Variants in ADGB observed in about 807,000 individuals in gnomAD.
The protein encoded by ADGB is androglobin.
In ADGB, 172 loss-of-function variants were observed where a neutral mutation model predicts 210.5. The observed-to-expected ratio is 0.82, with a 90% CI of 0.72 to 0.93. The LOEUF is 0.93. Ranked by LOEUF, ADGB falls within the 40% of genes least tolerant of loss-of-function variation. The pLI, the probability that ADGB is intolerant of heterozygous loss-of-function variation, is 0.00. For missense variants in ADGB, 2,025 were observed against 1,964.8 expected, an observed-to-expected ratio of 1.03 and a Z score of -0.58; for synonymous variants, 658 against 662.7, an observed-to-expected ratio of 0.99 and a Z score of 0.11.
chr6:146,769,434 A>G (rs1291254135), intron 29 of ADGB, among the ~76,000 whole-genome samples: 1 of 152,152 alleles, frequency 6.6e-6, no homozygotes. Context: ...AATGTATGAC[A>G]TTTTTCTATT....
intron 1 of ADGB, among the ~76,000 whole-genome samples, chr6:146,618,711 A>T (rs1048413981): frequency 2.6e-5 from 4 of 152,042 alleles, no homozygotes; most frequent in African/African-American, 9.7e-5. Context: ...TAGTCAGAAA[A>T]GATACTTGAT....
At chr6:146,685,290 GTTTTC>G (rs1389439871) in intron 9 of ADGB, among the ~76,000 whole-genome samples, 2 of 151,664 alleles carry the variant, frequency 1.3e-5, no homozygotes, top group African/African-American at 4.9e-5. Flanking sequence ...TTTTACTTAT[GTTTTC>G]TTTCTTTTTG....
rs556542006 is a variant in ADGB at position 146,666,182 on chromosome 6, G to C, written c.753-634G>C. Among the ~76,000 whole-genome samples the C allele has an allele frequency of 2.0e-5, 3 of 152,140 alleles. No individual in the cohort carries two copies. The East Asian group carries it at 5.8e-4, about 29-fold the overall frequency. ...TGAAGCCGTGACTCCCGGGCAGAAG[G>C]GAGATATGGCATTTTTGCATGTAAA... On this transcript the variant is annotated intron_variant, in intron 6 of 35. Transcript: ENST00000397944.
chr6:146,721,807 C>T (rs1776820688), intron 17 of ADGB, among the ~76,000 whole-genome samples: 1 of 152,088 alleles, frequency 6.6e-6, no homozygotes, highest in African/African-American at 2.4e-5. Context: ...CATTGCACTC[C>T]AACCTGGGCA....
Position 146,630,566 on chromosome 6 carries a change from C to G in ADGB, c.75-4809C>G, listed in dbSNP as rs560187632. 3.3e-5 allele frequency among the ~76,000 whole-genome samples: 5 copies of G among 151,716 alleles called. No individual in the cohort carries two copies. In the East Asian group the frequency reaches 9.7e-4, roughly 29 times the overall value. ...CTTAAAAAACAAACAAACAAACAAA[C>G]AAAAAAAGAATAAGGATCTTCAGGA... On this transcript the variant is annotated intron_variant, in intron 1 of 35. Coordinates refer to ENST00000397944, the MANE Select transcript of ADGB (RefSeq NM_024694.4).
At chr6:146,639,341 A>C (rs1445259209) in intron 2 of ADGB, 2 of 151,962 alleles carry the variant, frequency 1.3e-5, no homozygotes, top group Non-Finnish European at 2.9e-5. Context: ...AATGGTTAAA[A>C]ACTCTCCACA....
intron 27 of ADGB, among the ~76,000 whole-genome samples, chr6:146,760,627 G>A (rs34153451): frequency 0.32 from 48,318 of 151,656 alleles, 9,313 homozygotes; most frequent in African/African-American, 0.54. Context: ...ATATTCAGGA[G>A]TTGAATTAGT....
At chr6:146,712,725 C>A (rs1583601386) in intron 13 of ADGB, among the ~76,000 whole-genome samples, 2 of 151,978 alleles carry the variant, frequency 1.3e-5, no homozygotes, top group East Asian at 3.9e-4. Context: ...ATATATTTAT[C>A]CTTATTTTAA....
chr6:146,649,346 G>A (rs1775665462), intron 3 of ADGB, among the ~76,000 whole-genome samples: 1 of 151,690 alleles, frequency 6.6e-6, no homozygotes, highest in African/African-American at 2.4e-5. Flanking sequence ...AGATTATTTT[G>A]TTTTTGGCTG....
At chr6:146,636,195 T>C (rs1477019456) in intron 2 of ADGB, among the ~76,000 whole-genome samples, 5 of 152,218 alleles carry the variant, frequency 3.3e-5, no homozygotes, top group Middle Eastern at 6.8e-3. Flanking sequence ...ATGACCTATT[T>C]ATTGGGTGCA....
rs1230240369 is a variant in ADGB at position 146,602,342 on chromosome 6, A to T, written c.74+3228A>T. Among the ~76,000 whole-genome samples the T allele has an allele frequency of 5.9e-5, 9 of 152,114 alleles. No individual in the cohort carries two copies. In the East Asian group the frequency reaches 1.7e-3, roughly 29 times the overall value. ...TTCTAAACTTCCATGATTCTATCAG[A>T]TATATTTTTTAACTTCACTGGGTCC... On this transcript the variant is annotated intron_variant, in intron 1 of 35. Transcript: ENST00000397944.
intron 27 of ADGB, among the ~76,000 whole-genome samples, chr6:146,756,081 G>A (rs1583624225): frequency 6.6e-6 from 1 of 152,010 alleles, no homozygotes; most frequent in African/African-American, 2.4e-5. Flanking sequence ...GGGAGTATAA[G>A]CTGAGCAACA....
At position 146,612,516 on chromosome 6, in the gene ADGB, T is replaced by C. The variant is rs188924366; in HGVS notation, c.74+13402T>C. Among the ~76,000 whole-genome samples the C allele has an allele frequency of 2.4e-3, 369 of 152,274 alleles. 3 individuals are homozygous for C. Among genetic ancestry groups the C allele is most frequent in the South Asian group, 5.2e-3 (25 of 4,812 alleles). On this transcript the variant is annotated intron_variant, in intron 1 of 35. Coordinates refer to ENST00000397944, the MANE Select transcript of ADGB (RefSeq NM_024694.4). Reference sequence around the variant, plus strand: ...TCTTTTGTGCATCACATTCACGTGGTTTCTTTGTTCTTTCAGTTGTTCACC... The same window carrying C: ...TCTTTTGTGCATCACATTCACGTGGCTTCTTTGTTCTTTCAGTTGTTCACC...
chr6:146,655,851 TAACTC>T (rs1438022652), intron 4 of ADGB, among the ~76,000 whole-genome samples: 1 of 152,148 alleles, frequency 6.6e-6, no homozygotes, highest in Non-Finnish European at 1.5e-5. Context: ...ATTTCCTAGA[TAACTC>T]AAATTAAGAG....
In ADGB at chr6:146,701,009, C is replaced by G. The variant is rs756157462; in HGVS notation, c.1646C>G (p.Thr549Ser). The G allele has an allele frequency of 1.5e-4, 240 of 1,551,056 alleles. 3 individuals carry two copies. The East Asian group carries it at 5.8e-3, about 37-fold the overall frequency. The change falls in exon 13 of 36, where the codon ACT (threonine) becomes AGT (serine). Residue 549 changes from threonine to serine, a missense_variant. By Grantham distance (58) the Thr-to-Ser change is moderately conservative. Coordinates refer to ENST00000397944, the MANE Select transcript of ADGB (RefSeq NM_024694.4). ...PGSDLPSVSE[T>S]DETATHSQTD... ...TCTGATTTACCTTCCGTCAGTGAAA[C>G]TGATGAAACTGCAACACATAGCCAG... is the stretch of plus-strand genomic sequence containing the variant.
intron 1 of ADGB, among the ~76,000 whole-genome samples, chr6:146,617,589 A>T (rs951620775): frequency 1.3e-5 from 2 of 151,492 alleles, no homozygotes; most frequent in African/African-American, 2.4e-5. Context: ...GTTATATGTG[A>T]CCTTCATTGT....
At chr6:146,627,566 T>C (rs548466986) in intron 1 of ADGB, among the ~76,000 whole-genome samples, 1 of 152,230 alleles carries the variant, frequency 6.6e-6, no homozygotes, top group East Asian at 1.9e-4. Context: ...GCAAGATACT[T>C]TTCCCAGTAT....
At chr6:146,671,511 A>G (rs1436063764) in intron 7 of ADGB, among the ~76,000 whole-genome samples, 1 of 152,014 alleles carries the variant, frequency 6.6e-6, no homozygotes, top group Non-Finnish European at 1.5e-5. Context: ...ATCTTTTTTT[A>G]TTTGCTTGGG....
intron 13 of ADGB, among the ~76,000 whole-genome samples, chr6:146,712,086 G>C (rs1776665752): frequency 2.0e-5 from 3 of 151,090 alleles, no homozygotes; most frequent in Admixed American, 2.0e-4. Context: ...CTGATATTCT[G>C]ATTCTTGATC....
Sources: allele counts gnomAD v4.1 joint callset (sites outside exome capture counted in the v4.1 genomes callset), GRCh38; gene constraint gnomAD v4.1.1; transcripts MANE v1.5; gene names NCBI Gene and HGNC (gene_info 2026-07-23, HGNC 2026-07-21).